The following WDR70 variants were observed in gnomAD, a reference collection of about 807,000 sequenced individuals.
WDR70 encodes the protein WD repeat-containing protein 70.
In WDR70, 53 loss-of-function variants were observed where a neutral mutation model predicts 88.6. The observed-to-expected ratio is 0.60, with a 90% CI of 0.48 to 0.75. The LOEUF is 0.75. WDR70 is among the 30% of genes least tolerant of loss of function. The pLI is 0.00. For synonymous variants in WDR70, 280 were observed against 270.0 expected, an observed-to-expected ratio of 1.04 and a Z score of -0.36; for missense variants, 610 against 823.2, an observed-to-expected ratio of 0.74 and a Z score of 3.17.
At position 37,552,597 on chromosome 5, in the gene WDR70, A is replaced by G. The variant is rs566271323; in HGVS notation, c.917+36007A>G. 1.1e-4 allele frequency among the ~76,000 whole-genome samples: 17 copies of G among 152,324 alleles called. No individual in the cohort carries two copies. In the South Asian group the frequency reaches 3.3e-3, roughly 30 times the overall value. ...TTGTTTGAGTGCAGGAATAAGAGGC[A>G]AAAAAGGGGTCCCACAGAAGTGAAA... On this transcript the variant is annotated intron_variant, in intron 9 of 17. Transcript: ENST00000265107.
intron 9 of WDR70, among the ~76,000 whole-genome samples, chr5:37,559,731 G>GCTACTTGGGAGGCTGAGGAAAGAGAA (rs1742443202): frequency 6.6e-6 from 1 of 151,988 alleles, no homozygotes; most frequent in African/African-American, 2.4e-5. Context: ...TGTAATCCCA[G>GCTACTTGGGAGGCTGAGGAAAGAGAA]CTACTTGGGA....
intron 9 of WDR70, among the ~76,000 whole-genome samples, chr5:37,573,380 CT>C (rs1259606905): frequency 2.0e-5 from 3 of 151,522 alleles, no homozygotes; most frequent in African/African-American, 7.3e-5. Flanking sequence ...GTTACTGCCT[CT>C]TTTTTTTTCT....
At chr5:37,479,366 GT>G (rs55879112) in intron 7 of WDR70, 75,628 of 133,088 alleles carry the variant, frequency 0.57, 21,933 homozygotes, top group South Asian at 0.66. Context: ...GGTGGTGGTT[GT>G]TTTTTTTTTT....
intron 17 of WDR70, among the ~76,000 whole-genome samples, chr5:37,746,744 C>T (rs1477816589): frequency 2.0e-5 from 3 of 152,244 alleles, no homozygotes; most frequent in Admixed American, 6.5e-5. Context: ...CTGAATAGAC[C>T]AATAACAAGT....
chr5:37,539,202 C>T (rs752605275), intron 9 of WDR70, among the ~76,000 whole-genome samples: 1 of 152,148 alleles, frequency 6.6e-6, no homozygotes, highest in Non-Finnish European at 1.5e-5. Context: ...GATACTTCTG[C>T]CACTTCTAAT....
chr5:37,711,879 T>C (rs893998953), intron 13 of WDR70, among the ~76,000 whole-genome samples: 6 of 152,216 alleles, frequency 3.9e-5, no homozygotes, highest in African/African-American at 1.2e-4. Flanking sequence ...TATTATATTC[T>C]TGTTGGGACT....
chr5:37,432,146 G>T (rs762904365), intron 5 of WDR70, among the ~76,000 whole-genome samples: 1 of 151,810 alleles, frequency 6.6e-6, no homozygotes, highest in Non-Finnish European at 1.5e-5. Context: ...TTCCGTAGTA[G>T]CTATACCATT....
intron 17 of WDR70, among the ~76,000 whole-genome samples, chr5:37,738,053 AAAC>A (rs1462557505): frequency 3.9e-5 from 6 of 151,926 alleles, no homozygotes; most frequent in Non-Finnish European, 2.9e-5. Context: ...ACAAACAAAA[AAAC>A]AACAACTTCG....
chr5:37,668,785 C>A lies in WDR70; in HGVS notation c.1093-28870C>A, dbSNP rs118033015. 6.6e-4 allele frequency among the ~76,000 whole-genome samples: 101 copies of A among 152,218 alleles called. 2 individuals are homozygous for A. The East Asian group carries it at 0.018, about 26-fold the overall frequency. ...CTGTGGTCACCTGGTTTGAGATGACCAAACAGGCATATAATTACAACATAG... is the reference window on the plus strand; with the variant it reads ...CTGTGGTCACCTGGTTTGAGATGACAAAACAGGCATATAATTACAACATAG... On this transcript the variant is annotated intron_variant, in intron 10 of 17. Coordinates refer to ENST00000265107, the MANE Select transcript of WDR70 (RefSeq NM_018034.4).
At chr5:37,455,224 T>G (rs1738793506) in intron 7 of WDR70, among the ~76,000 whole-genome samples, 1 of 150,908 alleles carries the variant, frequency 6.6e-6, no homozygotes, top group Non-Finnish European at 1.5e-5. Context: ...GACTATCACC[T>G]GTCCTGATTT....
chr5:37,702,934 T>A lies in WDR70; in HGVS notation c.1278-15T>A. The A allele has an allele frequency of 6.3e-7, 1 of 1,596,204 alleles. No individual in the cohort carries two copies. ...AGGTCATAAGCTTATACTCGTAAAC[T>A]CTTTTTTTCTGTAGGACTGACTGCT... On this transcript the variant is annotated splice_polypyrimidine_tract_variant and intron_variant, in intron 12 of 17. Coordinates refer to ENST00000265107, the MANE Select transcript of WDR70 (RefSeq NM_018034.4).
rs1040755433 is a variant in WDR70, at chr5:37,396,586, G to A, written c.492+16G>A. 2.5e-6 allele frequency: 4 copies of A among 1,589,312 alleles called. No individual in the cohort carries two copies. The highest frequency in any genetic ancestry group is 8.5e-7 in the Non-Finnish European group (1 of 1,170,856). The stretch of plus-strand genomic sequence containing the variant: ...GGAAGAGGAAGTAAGTATTTCAGTG[G>A]TAATTTAAGAATTCGGTGGAGTAAT... On this transcript the variant is annotated intron_variant, in intron 5 of 17. Coordinates refer to ENST00000265107, the MANE Select transcript of WDR70 (RefSeq NM_018034.4).
intron 7 of WDR70, among the ~76,000 whole-genome samples, chr5:37,449,590 C>CAAAAAAAAAAAAAAAAAAA (rs376148041): frequency 1.2e-5 from 1 of 85,726 alleles, no homozygotes; most frequent in African/African-American, 4.3e-5. Flanking sequence ...AATTTTGTCT[C>CAAAAAAAAAAAAAAAAAAA]AAAAAAAAAA....
intron 9 of WDR70, among the ~76,000 whole-genome samples, chr5:37,526,738 C>G (rs140037422): frequency 5.9e-5 from 9 of 152,122 alleles, no homozygotes; most frequent in Non-Finnish European, 1.2e-4. Flanking sequence ...AAAACCCCAT[C>G]GTCTCAGCCC....
intron 9 of WDR70, among the ~76,000 whole-genome samples, chr5:37,559,249 T>C (rs899643631): frequency 6.6e-6 from 1 of 152,174 alleles, no homozygotes; most frequent in Non-Finnish European, 1.5e-5. Context: ...TGTATTCTTA[T>C]GCTACACTAT....
intron 5 of WDR70, among the ~76,000 whole-genome samples, chr5:37,416,648 C>T (rs1169920702): frequency 3.3e-5 from 5 of 149,406 alleles, no homozygotes; most frequent in African/African-American, 9.9e-5. Context: ...GGGGTGATAT[C>T]GGCTCACTGC....
intron 3 of WDR70, among the ~76,000 whole-genome samples, chr5:37,389,155 C>T (rs1190287923): frequency 1.4e-5 from 2 of 146,946 alleles, no homozygotes; most frequent in Admixed American, 1.4e-4. Flanking sequence ...TGTGGTGGTA[C>T]TATCTTGGCT....
At chr5:37,716,410 C>T (rs1009976800) in intron 13 of WDR70, among the ~76,000 whole-genome samples, 3 of 152,124 alleles carry the variant, frequency 2.0e-5, no homozygotes, top group Non-Finnish European at 1.5e-5. Flanking sequence ...TTAATACAAA[C>T]TTGCTAAGGT....
At chr5:37,594,909 A>G (rs1423030434) in intron 9 of WDR70, among the ~76,000 whole-genome samples, 1 of 152,104 alleles carries the variant, frequency 6.6e-6, no homozygotes, top group East Asian at 1.9e-4. Context: ...GCAGTTGTAA[A>G]TGGGAGTTCA....
Sources: gnomAD v4.1 joint callset for allele counts (sites outside exome capture counted in the v4.1 genomes callset) on GRCh38, gnomAD v4.1.1 for gene constraint, MANE v1.5 for transcripts, NCBI Gene and HGNC (gene_info 2026-07-23, HGNC 2026-07-21) for gene names.